Variants in TMEM14A observed in about 807,000 individuals in gnomAD.
TMEM14A encodes transmembrane protein 14A.
In TMEM14A, 8 loss-of-function variants were observed where a neutral mutation model predicts 11.6. That is an observed-to-expected ratio of 0.69 (90% CI 0.40 to 1.24). TMEM14A has a LOEUF of 1.24. Among genes scored for constraint, TMEM14A ranks in the 50% most tolerant of loss-of-function variants. The pLI, the probability that TMEM14A is intolerant of heterozygous loss-of-function variation, is 0.01. For synonymous variants in TMEM14A, 34 were observed against 45.5 expected (o/e 0.75, Z 1.02); for missense variants, 108 against 121.9 (o/e 0.89, Z 0.54).
chr6:52,683,471 CAACAACAACAACAAA>C (rs1485281209), intron 3 of TMEM14A, among the ~76,000 whole-genome samples: 4 of 92,332 alleles, frequency 4.3e-5, no homozygotes, highest in African/African-American at 1.8e-4. Flanking sequence ...ACAACAACAA[CAACAACAACAACAAA>C]AAAAAAAAAA....
At chr6:52,680,684 C>CAT (rs1491319210) in intron 2 of TMEM14A, among the ~76,000 whole-genome samples, 1 of 38,708 alleles carries the variant, frequency 2.6e-5, no homozygotes, top group South Asian at 1.1e-3. Context: ...TATATATATA[C>CAT]ATATATGTAT....
chr6:52,679,733 T>C (rs994126584), intron 2 of TMEM14A, among the ~76,000 whole-genome samples: 2 of 152,100 alleles, frequency 1.3e-5, no homozygotes, highest in African/African-American at 4.8e-5. Flanking sequence ...TCAGGCAAGA[T>C]GAAATGTCTC....
Position 52,686,218 on chromosome 6 carries a change from A to G in TMEM14A, c.*169A>G. 1 of 508,104 alleles carries G rather than the reference A, an allele frequency of 2.0e-6. No homozygotes were observed. The highest frequency in any genetic ancestry group is 3.3e-6 in the Non-Finnish European group (1 of 301,994). 31.5% of individuals were successfully genotyped at this position (508,104 alleles called of 1,614,324 possible). A position where few individuals can be genotyped will look rare whatever the true frequency, so the allele number is the denominator to read the frequency against. ...GAGGTAGTTTTTTTCTAAAGCAAAA[A>G]TTTTAACTGTTTTCTAATTGTCAAG... On this transcript the variant is annotated 3_prime_UTR_variant, in exon 5 of 5. Coordinates refer to ENST00000211314, the MANE Select transcript of TMEM14A (RefSeq NM_014051.4).
chr6:52,674,034 T>G (rs999829961), intron 1 of TMEM14A, among the ~76,000 whole-genome samples: 6 of 152,222 alleles, frequency 3.9e-5, no homozygotes, highest in Admixed American at 6.5e-5. Context: ...TTAAATCATT[T>G]AATTCTCAGA....
At chr6:52,684,396 A>G (rs1489980249) in intron 4 of TMEM14A, among the ~76,000 whole-genome samples, 3 of 152,200 alleles carry the variant, frequency 2.0e-5, no homozygotes, top group Non-Finnish European at 4.4e-5. Context: ...ACATAGGCAT[A>G]CTTGCCTTTT....
intron 2 of TMEM14A, among the ~76,000 whole-genome samples, chr6:52,680,691 G>GTATA (rs1554137475): frequency 8.5e-5 from 3 of 35,318 alleles, no homozygotes; most frequent in Admixed American, 2.9e-4. Context: ...ATACATATAT[G>GTATA]TATATATATA....
At position 52,671,139 on chromosome 6, in the gene TMEM14A, G is replaced by T. The variant is rs1054217009; in HGVS notation, c.-123G>T. 6.6e-6 allele frequency: 1 copy of T among 152,328 alleles called. No individual in the cohort carries two copies. The highest frequency in any genetic ancestry group is 1.5e-5 in the Non-Finnish European group (1 of 68,120). The allele number at this position is 152,328 out of a possible 1,614,324, so 9.4% of individuals were successfully genotyped here. A position where few individuals can be genotyped will look rare whatever the true frequency, so the allele number is the denominator to read the frequency against. ...GCGCGAGACGGCTGGGCGCCGAGTG[G>T]GACAGCGCTGGTGCGGAGACTGCTT... On this transcript the variant is annotated 5_prime_UTR_variant, in exon 1 of 5. Transcript: ENST00000211314.
At chr6:52,677,553 T>A (rs868809809) in intron 2 of TMEM14A, among the ~76,000 whole-genome samples, 2 of 151,996 alleles carry the variant, frequency 1.3e-5, no homozygotes, top group African/African-American at 2.4e-5. Flanking sequence ...AATGAAAACA[T>A]TGTTAAATAT....
At chr6:52,674,961 C>T (rs1191501356) in intron 1 of TMEM14A, among the ~76,000 whole-genome samples, 4 of 150,920 alleles carry the variant, frequency 2.7e-5, no homozygotes, top group Non-Finnish European at 4.4e-5. Context: ...ATTGCAACCT[C>T]TGCCTCGCAG....
intron 1 of TMEM14A, among the ~76,000 whole-genome samples, chr6:52,675,251 G>A (rs1340367207): frequency 6.6e-6 from 1 of 152,152 alleles, no homozygotes; most frequent in East Asian, 1.9e-4. Context: ...TAACCTAAAT[G>A]ATAAGCAATG....
intron 1 of TMEM14A, among the ~76,000 whole-genome samples, chr6:52,675,189 T>A (rs1418315232): frequency 6.6e-6 from 1 of 152,170 alleles, no homozygotes; most frequent in Non-Finnish European, 1.5e-5. Flanking sequence ...GGCCCCTTTT[T>A]ATGTTCTACA....
rs1439267688 is a variant in TMEM14A, at chr6:52,680,683, ACATATATG to A, written c.71-1129_71-1122del. Among the ~76,000 whole-genome samples the A allele has an allele frequency of 2.8e-4, 19 of 66,812 alleles. 3 individuals carry two copies. Among genetic ancestry groups the A allele is most frequent in the Non-Finnish European group, 5.6e-4 (17 of 30,474 alleles). 43.8% of individuals were successfully genotyped at this position (66,812 alleles called of 152,430 possible). The stretch of plus-strand genomic sequence containing the variant: ...TATATATATGTGTATATATATATAT[ACATATATG>A]TATATATATATATACACATATATAT... On this transcript the variant is annotated intron_variant, in intron 2 of 4. Transcript: ENST00000211314.
chr6:52,686,148 T>C lies in TMEM14A; in HGVS notation c.*99T>C. ...AAAGATAAACTTCAATATGGAATGC[T>C]AGAAACACAAATAGCACTGTCACCT... On this transcript the variant is annotated 3_prime_UTR_variant, in exon 5 of 5. Coordinates refer to ENST00000211314, the MANE Select transcript of TMEM14A (RefSeq NM_014051.4). 1 of 1,216,700 alleles carries C rather than the reference T, an allele frequency of 8.2e-7. No individual in the cohort carries two copies. The highest frequency in any genetic ancestry group is 1.1e-6 in the Non-Finnish European group (1 of 871,654). The allele number at this position is 1,216,700 out of a possible 1,614,324, so 75.4% of individuals were successfully genotyped here.
chr6:52,680,663 A>C, intron 2 of TMEM14A, among the ~76,000 whole-genome samples: 1 of 79,636 alleles, frequency 1.3e-5, no homozygotes, highest in East Asian at 4.6e-4. Context: ...GTGTGTATAT[A>C]TATGTGTATA....
At chr6:52,681,734 T>C in intron 2 of TMEM14A, 79 bp from the exon 3 acceptor site, 2 of 1,265,746 alleles carry the variant, frequency 1.6e-6, no homozygotes. Flanking sequence ...AAGGTGCCTG[T>C]ATCATACTAG....
intron 3 of TMEM14A, among the ~76,000 whole-genome samples, chr6:52,683,325 T>A (rs888084298): frequency 1.3e-5 from 2 of 151,848 alleles, no homozygotes; most frequent in South Asian, 4.2e-4. Context: ...CTGGATGTGG[T>A]TGTACATGGC....
At chr6:52,679,058 G>A (rs1409643087) in intron 2 of TMEM14A, among the ~76,000 whole-genome samples, 1 of 152,180 alleles carries the variant, frequency 6.6e-6, no homozygotes, top group South Asian at 2.1e-4. Flanking sequence ...ATGTGATGTC[G>A]AAATGGTGTT....
intron 4 of TMEM14A, among the ~76,000 whole-genome samples, chr6:52,685,542 G>A (rs894213789): frequency 5.3e-5 from 8 of 151,538 alleles, no homozygotes; most frequent in South Asian, 2.1e-4. Context: ...CCGAGACTGC[G>A]TCACTATACT....
chr6:52,671,770 C>A (rs1769166163), intron 1 of TMEM14A, among the ~76,000 whole-genome samples: 1 of 152,218 alleles, frequency 6.6e-6, no homozygotes, highest in African/African-American at 2.4e-5. Context: ...TATGGTAAAT[C>A]GTTTTGCTGC....
Sources: allele counts gnomAD v4.1 joint callset (sites outside exome capture counted in the v4.1 genomes callset), GRCh38; gene constraint gnomAD v4.1.1; transcripts MANE v1.5; gene names NCBI Gene and HGNC (gene_info 2026-07-23, HGNC 2026-07-21).